AMOTL1: variants seen among roughly 807,000 people sequenced by gnomAD.
The protein encoded by AMOTL1 is angiomotin-like protein 1.
In AMOTL1, 45 loss-of-function variants were observed where a neutral mutation model predicts 102.9. The observed-to-expected ratio is 0.44, with a 90% CI of 0.34 to 0.56. The LOEUF is 0.56. Among genes scored for constraint, AMOTL1 ranks in the 20% least tolerant of loss-of-function variants. The probability of loss-of-function intolerance (pLI) is 0.01; values close to 1 mark genes in which losing one functional copy is unlikely to be tolerated. For synonymous variants in AMOTL1, 481 were observed against 484.7 expected, an observed-to-expected ratio of 0.99 and a Z score of 0.10; for missense variants, 1,114 against 1,225.6, an observed-to-expected ratio of 0.91 and a Z score of 1.36.
chr11:94,759,592 C>G (rs982896458), intron 3 of AMOTL1, among the ~76,000 whole-genome samples: 9 of 135,598 alleles, frequency 6.6e-5, no homozygotes, highest in Admixed American at 4.5e-4. Flanking sequence ...AAAAAAAGGG[C>G]AAGAGCTCTG....
At position 94,799,823 on chromosome 11, in the gene AMOTL1, G is replaced by A; in HGVS notation, c.633G>A (p.Gln211=). 1 of 1,595,082 alleles carries A rather than the reference G, an allele frequency of 6.3e-7. No homozygotes were observed. The highest frequency in any genetic ancestry group is 8.5e-7 in the Non-Finnish European group (1 of 1,170,274). The change falls in exon 3 of 13, where the codon CAG becomes CAA. Residue 211 remains glutamine (Q), a synonymous_variant. Transcript: ENST00000433060. This position sits in a 1 kb window ranked among gnomAD's most constrained non-coding sequence, Gnocchi z 4.5. Reference sequence around the variant, plus strand: ...GGCAGCAGCAGCAGCAACAGCAGCAGGGGGCGGTGGGCCATGGTTACTACA... The same window carrying A: ...GGCAGCAGCAGCAGCAACAGCAGCAAGGGGCGGTGGGCCATGGTTACTACA... The part of the protein sequence containing the change: ...FRGQQQQQQQ[Q]GAVGHGYYMA...
intron 8 of AMOTL1, among the ~76,000 whole-genome samples, chr11:94,859,070 C>T (rs887343389): frequency 6.6e-6 from 1 of 152,134 alleles, no homozygotes; most frequent in Admixed American, 6.5e-5. Context: ...CCTTCCATTT[C>T]CCCCACCAGC....
At chr11:94,731,492 G>A (rs987905177) in intron 2 of AMOTL1, among the ~76,000 whole-genome samples, 1 of 152,226 alleles carries the variant, frequency 6.6e-6, no homozygotes, top group Admixed American at 6.5e-5. Context: ...CTCGTGAGGT[G>A]TTGAAGTAGG....
intron 7 of AMOTL1, among the ~76,000 whole-genome samples, chr11:94,850,802 A>G (rs1411225875): frequency 6.6e-6 from 1 of 152,182 alleles, no homozygotes; most frequent in African/African-American, 2.4e-5. Flanking sequence ...GGCTTACCTG[A>G]GCAGGATCCG....
At chr11:94,751,477 C>T (rs1182606608) in intron 3 of AMOTL1, among the ~76,000 whole-genome samples, 7 of 151,962 alleles carry the variant, frequency 4.6e-5, no homozygotes, top group African/African-American at 1.7e-4. Flanking sequence ...TGGGGCGAGG[C>T]GGTAGAAGCC....
Position 94,727,419 on chromosome 11 carries a change from C to A in AMOTL1, c.-50-1502C>A, listed in dbSNP as rs2851586. 4.9e-3 allele frequency among the ~76,000 whole-genome samples: 741 copies of A among 152,032 alleles called. 21 individuals are homozygous for A. The highest frequency in any genetic ancestry group is 2.1e-3 in the East Asian group (11 of 5,162). On this transcript the variant is annotated intron_variant, in intron 1 of 4. Coordinates refer to the AMOTL1 transcript ENST00000299004. ...CATGTTTTTAGTTTTGCACAGAGAA[C>A]GTGTCTGGTTCAATGGCAGACTACT...
At chr11:94,820,615 A>ACATTTATTGTGCGCTTTGT (rs1253825751) in intron 3 of AMOTL1, among the ~76,000 whole-genome samples, 1 of 152,338 alleles carries the variant, frequency 6.6e-6, no homozygotes, top group Admixed American at 6.5e-5. Context: ...CAAACGCATC[A>ACATTTATTGTGCGCTTTGT]CATTTATTGT....
intron 8 of AMOTL1, among the ~76,000 whole-genome samples, chr11:94,855,920 T>C (rs750581564): frequency 1.8e-4 from 27 of 152,186 alleles, no homozygotes; most frequent in Non-Finnish European, 2.8e-4. Context: ...GGGAAATTAC[T>C]CTGCTTTCAT....
chr11:94,785,943 C>A (rs1434892611), intron 1 of AMOTL1, among the ~76,000 whole-genome samples: 1 of 152,204 alleles, frequency 6.6e-6, no homozygotes, highest in African/African-American at 2.4e-5. Context: ...TACTTGTTCA[C>A]TCTCAGTGGG....
intron 5 of AMOTL1, 34 bp downstream of exon 5, chr11:94,830,228 C>T (rs768735798): frequency 6.4e-6 from 10 of 1,558,550 alleles, no homozygotes; most frequent in Non-Finnish European, 1.7e-6. Flanking sequence ...ATCTAAACTA[C>T]CTGTAGAGTT....
intron 3 of AMOTL1, among the ~76,000 whole-genome samples, chr11:94,759,523 A>T (rs1950766086): frequency 1.4e-5 from 2 of 141,304 alleles, no homozygotes; most frequent in African/African-American, 5.3e-5. Flanking sequence ...ATGCAGCTTC[A>T]TTTTCCAGAT....
intron 3 of AMOTL1, among the ~76,000 whole-genome samples, chr11:94,804,238 C>T (rs1565359285): frequency 6.6e-6 from 1 of 152,136 alleles, no homozygotes; most frequent in Non-Finnish European, 1.5e-5. Flanking sequence ...CTTTGACCAA[C>T]GTTAGTTATT....
At position 94,752,231 on chromosome 11, in the gene AMOTL1, GTC is replaced by G. The variant is rs545338559; in HGVS notation, c.136+11247_136+11248del. 1.2e-4 allele frequency among the ~76,000 whole-genome samples: 18 copies of G among 151,706 alleles called. No homozygotes were observed. In the East Asian group the frequency reaches 3.5e-3, roughly 29 times the overall value. ...TCTCTTCTTTCCCTCCTCCATTTCTGTCTCTGTTTTCCTAAGTCAGTTGCACC... is the reference window on the plus strand; with the variant it reads ...TCTCTTCTTTCCCTCCTCCATTTCTGTCTGTTTTCCTAAGTCAGTTGCACC... On this transcript the variant is annotated intron_variant, in intron 3 of 4. Transcript: ENST00000299004.
rs1949960873 is a variant in AMOTL1, at chr11:94,708,147, C to T, written c.-51+1550C>T. Among the ~76,000 whole-genome samples the T allele has an allele frequency of 2.0e-5, 3 of 152,184 alleles. No individual in the cohort carries two copies. The South Asian group carries it at 6.2e-4, about 32-fold the overall frequency. On this transcript the variant is annotated intron_variant, in intron 1 of 4. Coordinates refer to the AMOTL1 transcript ENST00000299004. ...TTTGCCTGAGTTATTGCATTATCCC[C>T]TTAGCTCGTCCCCCCTGCTACCAGG...
intron 1 of AMOTL1, among the ~76,000 whole-genome samples, chr11:94,786,209 C>A (rs868539789): frequency 7.9e-5 from 12 of 152,218 alleles, no homozygotes; most frequent in African/African-American, 2.9e-4. Context: ...TTACTATATA[C>A]AATTTGAGTC....
chr11:94,857,189 A>G (rs566013688), intron 8 of AMOTL1, among the ~76,000 whole-genome samples: 2 of 152,372 alleles, frequency 1.3e-5, no homozygotes, highest in African/African-American at 4.8e-5. Context: ...CACACTTGTA[A>G]CTACAAATAA....
At chr11:94,829,467 C>A (rs1952033390) in intron 4 of AMOTL1, among the ~76,000 whole-genome samples, 1 of 152,086 alleles carries the variant, frequency 6.6e-6, no homozygotes, top group South Asian at 2.1e-4. Flanking sequence ...GTGATCCACC[C>A]ACCTCAGCCT....
intron 11 of AMOTL1, among the ~76,000 whole-genome samples, chr11:94,868,404 G>A (rs546515800): frequency 6.6e-6 from 1 of 152,158 alleles, no homozygotes. Context: ...TTTCCAGGAA[G>A]GCTCTGAGGA....
At chr11:94,775,881 G>C (rs1016722283) in intron 1 of AMOTL1, among the ~76,000 whole-genome samples, 1 of 152,194 alleles carries the variant, frequency 6.6e-6, no homozygotes, top group African/African-American at 2.4e-5. Context: ...CTGTTTTGGA[G>C]GCTCATTCCA....
Sources: gnomAD v4.1 joint callset for allele counts (sites outside exome capture counted in the v4.1 genomes callset) on GRCh38, gnomAD v4.1.1 for gene constraint, Gnocchi (gnomAD v3.1) non-coding constraint, MANE v1.5 for transcripts, NCBI Gene and HGNC (gene_info 2026-07-23, HGNC 2026-07-21) for gene names.